Variants in GALNT17 observed in about 807,000 individuals in gnomAD.
GALNT17 encodes polypeptide N-acetylgalactosaminyltransferase 17, also known as UDP-GalNAc:polypeptide N-acetylgalactosaminyltransferase-like 3.
In GALNT17, 29 loss-of-function variants were observed where a neutral mutation model predicts 63.7. The observed-to-expected ratio is 0.46, with a 90% CI of 0.34 to 0.62. GALNT17 has a LOEUF of 0.62. Among genes scored for constraint, GALNT17 ranks in the 20% least tolerant of loss-of-function variants. The pLI is 0.01. For synonymous variants in GALNT17, 305 were observed against 318.3 expected (o/e 0.96, Z 0.45); for missense variants, 603 against 799.6 (o/e 0.75, Z 2.97).
At chr7:71,662,344 G>C (rs1019231005) in intron 6 of GALNT17, among the ~76,000 whole-genome samples, 51 of 134,946 alleles carry the variant, frequency 3.8e-4, no homozygotes, top group African/African-American at 1.4e-3. Flanking sequence ...CTGTCTGTCT[G>C]TCTGTCTGTC....
At chr7:71,541,572 GAA>G (rs1459538154) in intron 5 of GALNT17, among the ~76,000 whole-genome samples, 1 of 151,558 alleles carries the variant, frequency 6.6e-6, no homozygotes, top group Non-Finnish European at 1.5e-5. Context: ...AACAAGAAGA[GAA>G]AAAAAAGAAA....
At chr7:71,453,603 G>A (rs1215520517) in intron 5 of GALNT17, among the ~76,000 whole-genome samples, 1 of 152,138 alleles carries the variant, frequency 6.6e-6, no homozygotes, top group African/African-American at 2.4e-5. Context: ...GGAATTATGG[G>A]AGCTACAATT....
chr7:71,526,676 C>A (rs1052353292), intron 5 of GALNT17, among the ~76,000 whole-genome samples: 1 of 151,570 alleles, frequency 6.6e-6, no homozygotes, highest in African/African-American at 2.4e-5. Flanking sequence ...TGTGCCCCCA[C>A]GCCTGACTGA....
intron 9 of GALNT17, among the ~76,000 whole-genome samples, chr7:71,691,627 T>C (rs902358932): frequency 6.6e-6 from 1 of 152,180 alleles, no homozygotes; most frequent in African/African-American, 2.4e-5. Flanking sequence ...CCAGTGGAGA[T>C]TGTGAGTTGA....
At chr7:71,322,981 T>G (rs1208699352) in intron 1 of GALNT17, among the ~76,000 whole-genome samples, 1 of 152,122 alleles carries the variant, frequency 6.6e-6, no homozygotes, top group Non-Finnish European at 1.5e-5. Flanking sequence ...GTGGAAAGTA[T>G]GAAAACATGG....
At chr7:71,361,479 A>G (rs964536864) in intron 2 of GALNT17, among the ~76,000 whole-genome samples, 5 of 152,116 alleles carry the variant, frequency 3.3e-5, no homozygotes, top group African/African-American at 7.2e-5. Context: ...TTGGAAAGTC[A>G]TCTTCAATTC....
intron 5 of GALNT17, among the ~76,000 whole-genome samples, 190 bp downstream of exon 5, chr7:71,421,295 G>A (rs1786660076): frequency 6.6e-6 from 1 of 152,192 alleles, no homozygotes; most frequent in Admixed American, 6.5e-5. Context: ...GCACCTTTAT[G>A]TAAAGTTTTC....
intron 5 of GALNT17, among the ~76,000 whole-genome samples, chr7:71,426,336 A>G (rs962732189): frequency 6.6e-6 from 1 of 152,218 alleles, no homozygotes. Context: ...AGGTTCGTCT[A>G]TGTAAGACTT....
At chr7:71,269,559 C>A (rs1042904576) in intron 1 of GALNT17, among the ~76,000 whole-genome samples, 2 of 152,144 alleles carry the variant, frequency 1.3e-5, no homozygotes, top group Non-Finnish European at 2.9e-5. Context: ...GGAGTAGGGG[C>A]TGGAGGAAGT....
chr7:71,665,621 CCACCCCAG>C, intron 7 of GALNT17, 25 bp downstream of exon 7: 1 of 1,609,320 alleles, frequency 6.2e-7, no homozygotes, highest in Non-Finnish European at 8.5e-7. Context: ...CCTTTCCCCA[CCACCCCAG>C]TACAGTGATC....
intron 5 of GALNT17, among the ~76,000 whole-genome samples, chr7:71,526,642 C>T (rs1788629538): frequency 6.6e-6 from 1 of 152,156 alleles, no homozygotes; most frequent in African/African-American, 2.4e-5. Flanking sequence ...GTCTTAGCCT[C>T]CCAAGTAGCT....
At chr7:71,654,504 C>G (rs968554983) in intron 6 of GALNT17, among the ~76,000 whole-genome samples, 8 of 152,180 alleles carry the variant, frequency 5.3e-5, no homozygotes, top group African/African-American at 1.9e-4. Flanking sequence ...AGTGGTGTAC[C>G]TACTTCCCCT....
Position 71,250,254 on chromosome 7 carries a change from GGGATATCT to G in GALNT17, c.239-85294_239-85287del, listed in dbSNP as rs374983086. 2.9e-3 allele frequency among the ~76,000 whole-genome samples: 440 copies of G among 152,104 alleles called. 4 individuals are homozygous for G. The highest frequency in any genetic ancestry group is 1.0e-2 in the African/African-American group (414 of 41,494). ...ATTTATGGATGCCATAGGCTCTTGA[GGGATATCT>G]GTCATCCAAGAATAGGCCATTATAT... On this transcript the variant is annotated intron_variant, in intron 1 of 10. Coordinates refer to ENST00000333538, the MANE Select transcript of GALNT17 (RefSeq NM_022479.3).
intron 9 of GALNT17, among the ~76,000 whole-genome samples, chr7:71,688,272 C>G (rs570868959): frequency 6.6e-6 from 1 of 152,272 alleles, no homozygotes; most frequent in South Asian, 2.1e-4. Flanking sequence ...TGCTGTTGCT[C>G]TTCTGACTCG....
chr7:71,630,238 C>T (rs539521729), intron 6 of GALNT17, among the ~76,000 whole-genome samples: 66 of 152,348 alleles, frequency 4.3e-4, no homozygotes, highest in African/African-American at 1.6e-3. Flanking sequence ...ACCACCTAAA[C>T]AGCCCTTTCT....
At chr7:71,642,049 G>A (rs1340029993) in intron 6 of GALNT17, among the ~76,000 whole-genome samples, 2 of 152,160 alleles carry the variant, frequency 1.3e-5, no homozygotes, top group Admixed American at 1.3e-4. Flanking sequence ...AGCATCAGCT[G>A]TCCCCCCACT....
At chr7:71,619,507 C>A (rs1011630970) in intron 6 of GALNT17, among the ~76,000 whole-genome samples, 9 of 152,186 alleles carry the variant, frequency 5.9e-5, no homozygotes, top group Admixed American at 5.9e-4. Flanking sequence ...AGATCTTTCA[C>A]CTCCTTGGTT....
At chr7:71,574,926 A>G (rs1323651986) in intron 6 of GALNT17, among the ~76,000 whole-genome samples, 1 of 152,128 alleles carries the variant, frequency 6.6e-6, no homozygotes, top group Non-Finnish European at 1.5e-5. Context: ...TCCCTTCTCC[A>G]GGTGCCCTTC....
In GALNT17 at chr7:71,169,873, T is replaced by A. The variant is rs183703098; in HGVS notation, c.238+36833T>A. Among the ~76,000 whole-genome samples, 210 of 152,180 alleles carry A rather than the reference T, an allele frequency of 1.4e-3. 1 individual carries two copies. The highest frequency in any genetic ancestry group is 5.0e-3 in the African/African-American group (206 of 41,530). ...CCCCAGCCTTGGTGTACTTTTAGAT[T>A]GGATTGTTGCCCTACACTTTTTGTA... On this transcript the variant is annotated intron_variant, in intron 1 of 10. Transcript: ENST00000333538.
Sources: allele counts gnomAD v4.1 joint callset (sites outside exome capture counted in the v4.1 genomes callset), GRCh38; gene constraint gnomAD v4.1.1; transcripts MANE v1.5; gene names NCBI Gene and HGNC (gene_info 2026-07-23, HGNC 2026-07-21).